The following FRMPD4 variants were observed in gnomAD, a reference collection of about 807,000 sequenced individuals.
FRMPD4 encodes FERM and PDZ domain containing 4, also known as FERM and PDZ domain-containing protein 4.
Under a neutral mutation model 94.1 loss-of-function variants are expected in FRMPD4, and 22 were observed. The ratio of observed to expected loss-of-function variants is 0.23; its 90% CI spans 0.17 to 0.33. FRMPD4 has a LOEUF of 0.33. FRMPD4 is among the 10% of genes least tolerant of loss of function. The probability of loss-of-function intolerance (pLI) is 1.00; values close to 1 mark genes in which losing one functional copy is unlikely to be tolerated. For missense variants in FRMPD4, 1,111 were observed against 1,339.9 expected (o/e 0.83, Z 2.67); for synonymous variants, 631 against 548.6 (o/e 1.15, Z -2.10).
At chrX:12,594,459 G>A (rs999336139) in intron 2 of FRMPD4, among the ~76,000 whole-genome samples, 10 of 108,336 alleles carry the variant, frequency 9.2e-5, no homozygotes, top group Admixed American at 9.7e-5. Context: ...TTTTTGAGAT[G>A]GAGTCTCACT....
intron 2 of FRMPD4, among the ~76,000 whole-genome samples, chrX:12,542,626 A>G (rs902471280): frequency 4.5e-5 from 5 of 112,045 alleles, no homozygotes; most frequent in Admixed American, 1.9e-4. Context: ...ATGCTCATGG[A>G]TAGAAGAATC....
At chrX:12,427,888 C>CTT (rs2056964280) in intron 1 of FRMPD4, among the ~76,000 whole-genome samples, 1 of 90,280 alleles carries the variant, frequency 1.1e-5, no homozygotes, top group African/African-American at 4.0e-5. Context: ...AATCATTTTC[C>CTT]TTTTTTCTCT....
chrX:11,964,265 A>G (rs765668033), intron 3 of FRMPD4, among the ~76,000 whole-genome samples: 26 of 109,438 alleles, frequency 2.4e-4, no homozygotes, highest in Non-Finnish European at 4.0e-4. Flanking sequence ...GTTCACGCCA[A>G]TCTCCTGCCT....
At chrX:12,431,493 T>C (rs981722190) in intron 1 of FRMPD4, among the ~76,000 whole-genome samples, 1 of 112,046 alleles carries the variant, frequency 8.9e-6, no homozygotes, top group Non-Finnish European at 1.9e-5. Flanking sequence ...AGTAGCAAGA[T>C]GAACTTCAGT....
chrX:12,072,801 C>T (rs1318796415), intron 3 of FRMPD4, among the ~76,000 whole-genome samples: 2 of 111,085 alleles, frequency 1.8e-5, no homozygotes, highest in African/African-American at 3.3e-5. Flanking sequence ...ACAAGTATTG[C>T]TTTTTAAAGC....
chrX:12,434,269 CTT>C (rs1179664600), intron 1 of FRMPD4, among the ~76,000 whole-genome samples: 1 of 112,334 alleles, frequency 8.9e-6, no homozygotes, highest in African/African-American at 3.2e-5. Context: ...ATGAGGATAA[CTT>C]TGTCAAATTA....
At chrX:12,136,912 CACACACACACACAT>C (rs768301855), upstream of FRMPD4, among the ~76,000 whole-genome samples, 874 of 109,574 alleles carry the variant, frequency 8.0e-3, 2 homozygotes, top group Non-Finnish European at 0.011. Flanking sequence ...CACACACACA[CACACACACACACAT>C]ACACACACAC....
At chrX:12,527,079 GA>G (rs1053974209) in intron 2 of FRMPD4, among the ~76,000 whole-genome samples, 2 of 111,507 alleles carry the variant, frequency 1.8e-5, no homozygotes, top group African/African-American at 3.3e-5. Flanking sequence ...TGGAAAGCTG[GA>G]AAAAAAATAA....
intron 6 of FRMPD4, 46 bp from the exon 7 acceptor site, chrX:12,686,051 T>G: frequency 1.6e-6 from 1 of 610,764 alleles, no homozygotes; most frequent in South Asian, 2.5e-5. Flanking sequence ...AAGAGAAGAG[T>G]TATAATTTGA....
intron 2 of FRMPD4, among the ~76,000 whole-genome samples, chrX:12,559,925 C>T (rs1184044060): frequency 9.0e-6 from 1 of 111,167 alleles, no homozygotes; most frequent in African/African-American, 3.3e-5. Flanking sequence ...GTCCAGAAAA[C>T]TCAATGTTTT....
rs1194786456 is a variant in FRMPD4, at chrX:12,720,076, AAGAAAGAG to A, written c.3965-456_3965-449del. Among the ~76,000 whole-genome samples the A allele has an allele frequency of 3.2e-4, 27 of 84,475 alleles. 1 individual carries two copies. The highest frequency in any genetic ancestry group is 5.6e-4 in the Non-Finnish European group (24 of 42,710). The allele number at this position is 84,475 out of a possible 115,157, so 73.4% of individuals were successfully genotyped here. ...AAAGAAAGAAAGAAAGAAAGAAAGA[AAGAAAGAG>A]AAAGAAAGAAAGGAGGAAGAAAGAA... On this transcript the variant is annotated intron_variant, in intron 16 of 16. Transcript: ENST00000675598.
At position 12,345,821 on chromosome X, in the gene FRMPD4, G is replaced by A. The variant is rs144665334; in HGVS notation, c.42-152859G>A. Among the ~76,000 whole-genome samples, 36 of 111,473 alleles carry A rather than the reference G, an allele frequency of 3.2e-4. No individual in the cohort carries two copies. In the East Asian group the frequency reaches 8.4e-3, roughly 26 times the overall value. On this transcript the variant is annotated intron_variant, in intron 1 of 16. Coordinates refer to ENST00000675598, the MANE Select transcript of FRMPD4 (RefSeq NM_001368397.1). ...TCTTTAAAATACAACAATATATGGC[G>A]TGCTTAAGGCTTAGGAATTTGACAA...
intron 13 of FRMPD4, among the ~76,000 whole-genome samples, chrX:12,709,129 A>C (rs1466811295): frequency 8.9e-6 from 1 of 111,942 alleles, no homozygotes; most frequent in East Asian, 2.8e-4. Flanking sequence ...CGTCCTGCCT[A>C]TATAAAATAA....
At chrX:12,108,004 A>G (rs1359967056) in intron 3 of FRMPD4, among the ~76,000 whole-genome samples, 2 of 112,164 alleles carry the variant, frequency 1.8e-5, no homozygotes, top group Non-Finnish European at 3.8e-5. Flanking sequence ...ACTCTGCAGG[A>G]TATTATCCAG....
chrX:12,223,721 A>G (rs1007441166), intron 1 of FRMPD4, among the ~76,000 whole-genome samples: 2 of 111,953 alleles, frequency 1.8e-5, no homozygotes, highest in African/African-American at 6.5e-5. Context: ...AACATTTGTT[A>G]TTATCTGTCT....
chrX:11,947,693 A>G (rs1210450644), intron 3 of FRMPD4, among the ~76,000 whole-genome samples: 1 of 111,825 alleles, frequency 8.9e-6, no homozygotes, highest in Non-Finnish European at 1.9e-5. Context: ...GGAGATGAGG[A>G]CTAACTGGGG....
At chrX:12,153,741 A>G (rs1045500790) in intron 1 of FRMPD4, among the ~76,000 whole-genome samples, 8 of 112,303 alleles carry the variant, frequency 7.1e-5, no homozygotes, top group Non-Finnish European at 1.3e-4. Flanking sequence ...GTCATTTCAG[A>G]TTTTTTTCTG....
chrX:12,376,490 A>G (rs1479839980), intron 1 of FRMPD4, among the ~76,000 whole-genome samples: 1 of 112,891 alleles, frequency 8.9e-6, no homozygotes, highest in African/African-American at 3.2e-5. Flanking sequence ...GAGCCCCAGA[A>G]TCTACTAGAT....
chrX:12,661,982 A>G (rs1277158691), intron 4 of FRMPD4, among the ~76,000 whole-genome samples: 1 of 111,685 alleles, frequency 9.0e-6, no homozygotes, highest in African/African-American at 3.3e-5. Flanking sequence ...TTCTTTTCAC[A>G]TCTCCAGGTT....
Sources: allele counts gnomAD v4.1 joint callset (sites outside exome capture counted in the v4.1 genomes callset), GRCh38; gene constraint gnomAD v4.1.1; transcripts MANE v1.5; gene names NCBI Gene and HGNC (gene_info 2026-07-23, HGNC 2026-07-21).